RPA1: variants seen among roughly 807,000 people sequenced by gnomAD.
RPA1 encodes replication protein A 70 kDa DNA-binding subunit.
In RPA1, 49 loss-of-function variants were observed where a neutral mutation model predicts 83.0. The observed-to-expected ratio is 0.59, with a 90% CI of 0.47 to 0.75. RPA1 has a LOEUF of 0.75. Among genes scored for constraint, RPA1 ranks in the 30% least tolerant of loss-of-function variants. RPA1 has a pLI of 0.00. For synonymous variants in RPA1, 279 were observed against 281.8 expected (o/e 0.99, Z 0.10); for missense variants, 693 against 776.1 (o/e 0.89, Z 1.27).
chr17:1,842,498 A>G (rs1447855521), intron 1 of RPA1, among the ~76,000 whole-genome samples: 1 of 152,182 alleles, frequency 6.6e-6, no homozygotes, highest in Non-Finnish European at 1.5e-5. Flanking sequence ...TAATGTATAT[A>G]GGATTTATTT....
intron 11 of RPA1, 84 bp downstream of exon 11, chr17:1,879,783 G>A: frequency 6.5e-7 from 1 of 1,546,786 alleles, no homozygotes; most frequent in Non-Finnish European, 8.9e-7. Flanking sequence ...GGGGCCTTCA[G>A]CACACACAGG....
intron 11 of RPA1, 67 bp downstream of exon 11, chr17:1,879,766 A>G (rs1913711944): frequency 6.3e-7 from 1 of 1,592,978 alleles, no homozygotes; most frequent in South Asian, 1.1e-5. Flanking sequence ...GTCTTGTCCT[A>G]TAGGATGGGG....
chr17:1,831,274 AC>A (rs1316742717), intron 1 of RPA1, among the ~76,000 whole-genome samples: 4 of 152,162 alleles, frequency 2.6e-5, no homozygotes, highest in African/African-American at 9.6e-5. Flanking sequence ...CACGGATGGC[AC>A]CATTATCTAT....
chr17:1,897,247 G>A lies in RPA1; in HGVS notation c.*72G>A. 8.6e-7 allele frequency: 1 copy of A among 1,162,204 alleles called. No individual in the cohort carries two copies. The highest frequency in any genetic ancestry group is 1.2e-6 in the Non-Finnish European group (1 of 812,658). The allele number at this position is 1,162,204 out of a possible 1,614,324, so 72.0% of individuals were successfully genotyped here. On this transcript the variant is annotated 3_prime_UTR_variant, in exon 17 of 17. Transcript: ENST00000254719. ...AATCGATTTCCTCCCACCTCCGTGT[G>A]ACGATCCCATGTTAGCTACACAGTG...
chr17:1,853,752 A>G (rs1028876173), intron 5 of RPA1, among the ~76,000 whole-genome samples: 12 of 152,252 alleles, frequency 7.9e-5, no homozygotes, highest in Non-Finnish European at 1.0e-4. Context: ...AGGATATCAC[A>G]GTAATATAGG....
At chr17:1,871,557 G>A (rs1913377341) in intron 5 of RPA1, among the ~76,000 whole-genome samples, 2 of 152,166 alleles carry the variant, frequency 1.3e-5, no homozygotes, top group South Asian at 4.1e-4. Context: ...CCCTTGGTGA[G>A]CTGCCCACAT....
Position 1,888,634 on chromosome 17 carries a change from G to C in RPA1, c.1375-41G>C, listed in dbSNP as rs773548902. The C allele has an allele frequency of 3.8e-6, 6 of 1,574,736 alleles. No individual in the cohort carries two copies. In the East Asian group the frequency reaches 1.1e-4, roughly 30 times the overall value. ...TGCCTCTCGGTCCGATCCTGGGCGGGCTCGCGACTCCGTGCCTCATGCTGT... is the reference window on the plus strand; with the variant it reads ...TGCCTCTCGGTCCGATCCTGGGCGGCCTCGCGACTCCGTGCCTCATGCTGT... On this transcript the variant is annotated intron_variant, in intron 13 of 16. Coordinates refer to ENST00000254719, the MANE Select transcript of RPA1 (RefSeq NM_002945.5).
chr17:1,885,008 A>G (rs796355419), intron 13 of RPA1, among the ~76,000 whole-genome samples: 29 of 152,246 alleles, frequency 1.9e-4, no homozygotes, highest in African/African-American at 5.5e-4. Context: ...AGTGTGCCAC[A>G]TTGGTTGACT....
At chr17:1,883,606 ACT>A (rs1913880985) in intron 12 of RPA1, among the ~76,000 whole-genome samples, 1 of 151,952 alleles carries the variant, frequency 6.6e-6, no homozygotes, top group African/African-American at 2.4e-5. Flanking sequence ...ACAGAGTGAA[ACT>A]CTGACACAAT....
chr17:1,842,822 A>G lies in RPA1; in HGVS notation c.53A>G (p.Asp18Gly), dbSNP rs1377749270. The change falls in exon 2 of 17, where the codon GAT becomes GGT. Residue 18 changes from aspartate to glycine, a missense_variant. By Grantham distance (94) the Asp-to-Gly change is moderately conservative (BLOSUM62 -1). Coordinates refer to ENST00000254719, the MANE Select transcript of RPA1 (RefSeq NM_002945.5). ...CCTCAGGCCATCATGCAGAAGGGGG[A>G]TACAAACATAAAGCCCATCCTCCAA... ...GAIAAIMQKGDTNIKPILQVI... is the reference protein window; with the variant it reads ...GAIAAIMQKGGTNIKPILQVI... 1.2e-6 allele frequency: 2 copies of G among 1,614,100 alleles called. No homozygotes were observed. The highest frequency in any genetic ancestry group is 1.7e-6 in the Non-Finnish European group (2 of 1,179,998).
chr17:1,867,952 C>T (rs1461116085), intron 5 of RPA1, among the ~76,000 whole-genome samples: 1 of 151,750 alleles, frequency 6.6e-6, no homozygotes, highest in Non-Finnish European at 1.5e-5. Flanking sequence ...CAGGCGTGAT[C>T]TCGTGTAACT....
chr17:1,858,213 C>G, intron 5 of RPA1: 2 of 1,613,980 alleles, frequency 1.2e-6, no homozygotes, highest in East Asian at 4.5e-5. Flanking sequence ...CTGTGTGGAT[C>G]AGTGCTGGCC....
intron 3 of RPA1, 90 bp downstream of exon 3, chr17:1,844,088 C>G: frequency 9.3e-7 from 1 of 1,071,772 alleles, no homozygotes; most frequent in South Asian, 1.4e-5. Context: ...TGGGGGCATT[C>G]GTGAAGTCCG....
rs1012370829 is a variant in RPA1, at chr17:1,884,867, C to T, written c.1374+923C>T. 2.0e-5 allele frequency among the ~76,000 whole-genome samples: 3 copies of T among 152,164 alleles called. No homozygotes were observed. The highest frequency in any genetic ancestry group is 6.5e-5 in the Admixed American group (1 of 15,276). ...ACAAAAACTTTATTGCTGAAAAATG[C>T]TGACAATCATCTGAGTCGTAATCTT... is the stretch of plus-strand genomic sequence containing the variant. On this transcript the variant is annotated intron_variant, in intron 13 of 16. Coordinates refer to ENST00000254719, the MANE Select transcript of RPA1 (RefSeq NM_002945.5). This position sits in a 1 kb window ranked among gnomAD's most constrained non-coding sequence, Gnocchi z 4.1.
Position 1,883,781 on chromosome 17 carries a change from G to A in RPA1, c.1242-31G>A, listed in dbSNP as rs768623929. 27 of 1,613,070 alleles carry A rather than the reference G, an allele frequency of 1.7e-5. No individual in the cohort carries two copies. The African/African-American group carries it at 1.7e-4, about 10-fold the overall frequency. Reference sequence around the variant, plus strand: ...GAAGCAGAAGCATGTCACATCAAGCGCTCGTCATCGTTATTCGTTCACGTT... The same window carrying A: ...GAAGCAGAAGCATGTCACATCAAGCACTCGTCATCGTTATTCGTTCACGTT... On this transcript the variant is annotated intron_variant, in intron 12 of 16. Transcript: ENST00000254719.
rs556375297 is a variant in RPA1 at position 1,899,026 on chromosome 17, A to G, written c.*1851A>G. ...GTGAAGAGGCCTGACCAGCCGTGGT[A>G]CCAGGACAGGACGTGTCCAGGGAAC... is the stretch of plus-strand genomic sequence containing the variant. On this transcript the variant is annotated 3_prime_UTR_variant, in exon 17 of 17. Coordinates refer to ENST00000254719, the MANE Select transcript of RPA1 (RefSeq NM_002945.5). 10 of 152,968 alleles carry G rather than the reference A, an allele frequency of 6.5e-5. No homozygotes were observed. The highest frequency in any genetic ancestry group is 2.2e-4 in the African/African-American group (9 of 41,560). 9.5% of individuals were successfully genotyped at this position (152,968 alleles called of 1,614,324 possible).
In RPA1 at chr17:1,891,888, C is replaced by T; in HGVS notation, c.1607C>T (p.Ala536Val). 6.2e-7 allele frequency: 1 copy of T among 1,608,408 alleles called. No individual in the cohort carries two copies. The highest frequency in any genetic ancestry group is 1.1e-5 in the South Asian group (1 of 90,632). Residue 536 changes from alanine to valine, a missense_variant, in exon 15 of 17, where the codon GCT becomes GTT. Physicochemically the swap from Ala to Val is moderately conservative, Grantham distance 64. Coordinates refer to ENST00000254719, the MANE Select transcript of RPA1 (RefSeq NM_002945.5). Reference protein sequence around the residue: ...NQWVTCFQESAEAILGQNAAY... With the variant: ...NQWVTCFQESVEAILGQNAAY... ...TGGGTGACTTGTTTCCAGGAGTCTGCTGAAGCTATCCTTGGACAAAATGCT... is the reference window on the plus strand; with the variant it reads ...TGGGTGACTTGTTTCCAGGAGTCTGTTGAAGCTATCCTTGGACAAAATGCT...
intron 13 of RPA1, among the ~76,000 whole-genome samples, chr17:1,886,389 T>G (rs115923411): frequency 6.6e-6 from 1 of 152,240 alleles, no homozygotes; most frequent in Non-Finnish European, 1.5e-5. Context: ...CTTCACCTTA[T>G]AGTCCCCAGC....
intron 5 of RPA1, among the ~76,000 whole-genome samples, chr17:1,861,318 A>C (rs1912956900): frequency 6.6e-6 from 1 of 152,084 alleles, no homozygotes; most frequent in Non-Finnish European, 1.5e-5. Context: ...TGAGGCACTG[A>C]GCTGGTGCAG....
Sources: gnomAD v4.1 joint callset for allele counts (sites outside exome capture counted in the v4.1 genomes callset) on GRCh38, gnomAD v4.1.1 for gene constraint, Gnocchi (gnomAD v3.1) non-coding constraint, MANE v1.5 for transcripts, NCBI Gene and HGNC (gene_info 2026-07-23, HGNC 2026-07-21) for gene names.